CAAP1: variants seen among roughly 807,000 people sequenced by gnomAD.
The protein encoded by CAAP1 is conserved anti-apoptotic protein.
CAAP1 carries 20 observed loss-of-function variants against 34.0 expected under a neutral mutation model. That is an observed-to-expected ratio of 0.59 (90% CI 0.41 to 0.86). The LOEUF is 0.86. Ranked by LOEUF, CAAP1 falls within the 40% of genes least tolerant of loss-of-function variation. CAAP1 has a pLI of 0.00. For synonymous variants in CAAP1, 213 were observed against 166.7 expected (o/e 1.28, Z -2.14); for missense variants, 538 against 450.5 (o/e 1.19, Z -1.76).
chr9:26,892,303 A>G (rs3739550), intron 1 of CAAP1, 110 bp downstream of exon 1: 117,245 of 1,540,622 alleles, frequency 0.076, 15,579 homozygotes, highest in East Asian at 0.67. Flanking sequence ...GACGACCTTG[A>G]GATTGCCGCG....
At chr9:26,876,096 A>G (rs1443211653) in intron 4 of CAAP1, among the ~76,000 whole-genome samples, 1 of 152,236 alleles carries the variant, frequency 6.6e-6, no homozygotes. Context: ...GTTGTAGGTA[A>G]TACTGCATTT....
At chr9:26,880,955 C>T (rs1823579385) in intron 4 of CAAP1, among the ~76,000 whole-genome samples, 1 of 152,140 alleles carries the variant, frequency 6.6e-6, no homozygotes, top group South Asian at 2.1e-4. Context: ...TGATTACAGG[C>T]ATAAGCAAGT....
intron 4 of CAAP1, among the ~76,000 whole-genome samples, chr9:26,868,166 A>G (rs1199828235): frequency 6.6e-6 from 1 of 152,184 alleles, no homozygotes; most frequent in Non-Finnish European, 1.5e-5. Flanking sequence ...CCCCCCAAAT[A>G]TGCCCACATT....
Position 26,892,676 on chromosome 9 carries a change from G to C in CAAP1, c.40C>G (p.Arg14Gly). 6.2e-7 allele frequency: 1 copy of C among 1,605,054 alleles called. No individual in the cohort carries two copies. Among genetic ancestry groups the C allele is most frequent in the East Asian group, 2.2e-5 (1 of 44,812 alleles). ...GCTGCGGCCGCCTCCTGACTGCTACGTTTGCGCCGTTTCTCCCGGGAGGAC... is the reference window on the plus strand; with the variant it reads ...GCTGCGGCCGCCTCCTGACTGCTACCTTTGCGCCGTTTCTCCCGGGAGGAC... The part of the protein sequence containing the change: ...KKSSREKRRK[R>G]SSQEAAAALA... Residue 14 changes from arginine to glycine, a missense_variant, in exon 1 of 6, where the codon CGT becomes GGT. Arg to Gly is a moderately radical substitution (Grantham distance 125). Transcript: ENST00000333916.
At chr9:26,881,703 G>C (rs1477559883) in intron 4 of CAAP1, among the ~76,000 whole-genome samples, 2 of 152,184 alleles carry the variant, frequency 1.3e-5, no homozygotes, top group Non-Finnish European at 2.9e-5. Context: ...GGTACCAGTA[G>C]AGTGGGGCAC....
At chr9:26,858,999 A>T (rs1010635881) in intron 5 of CAAP1, among the ~76,000 whole-genome samples, 1 of 150,086 alleles carries the variant, frequency 6.7e-6, no homozygotes, top group African/African-American at 2.4e-5. Context: ...ACTGTCTCAA[A>T]AAAAAAAAAA....
chr9:26,882,443 T>A (rs1440363165), intron 4 of CAAP1, among the ~76,000 whole-genome samples: 1 of 152,120 alleles, frequency 6.6e-6, no homozygotes, highest in Non-Finnish European at 1.5e-5. Flanking sequence ...TGCAGTTGCA[T>A]AGAAGTCAAG....
At chr9:26,851,114 A>C (rs1822740662) in intron 5 of CAAP1, among the ~76,000 whole-genome samples, 1 of 152,202 alleles carries the variant, frequency 6.6e-6, no homozygotes, top group Non-Finnish European at 1.5e-5. Flanking sequence ...TAGGTGACAA[A>C]ATATTTGTGA....
chr9:26,857,359 T>C (rs4546740), intron 5 of CAAP1, among the ~76,000 whole-genome samples: 40,789 of 152,186 alleles, frequency 0.27, 5,918 homozygotes, highest in African/African-American at 0.31. Flanking sequence ...TGGCCGGGTA[T>C]GGTGGCTCAC....
chr9:26,863,713 C>G (rs1003909039), intron 4 of CAAP1, among the ~76,000 whole-genome samples: 1 of 149,226 alleles, frequency 6.7e-6, no homozygotes, highest in African/African-American at 2.5e-5. Context: ...GAACACACTG[C>G]CAAAGCCAGT....
intron 4 of CAAP1, among the ~76,000 whole-genome samples, chr9:26,881,215 C>T (rs1199195452): frequency 1.3e-5 from 2 of 152,296 alleles, no homozygotes; most frequent in South Asian, 2.1e-4. Flanking sequence ...CTCAGGTGAT[C>T]CTCTCAACCT....
At chr9:26,849,325 T>C (rs1169639239) in intron 5 of CAAP1, among the ~76,000 whole-genome samples, 5 of 152,232 alleles carry the variant, frequency 3.3e-5, no homozygotes, top group African/African-American at 4.8e-5. Flanking sequence ...TTCATTTGTA[T>C]TGTTTTTCTC....
chr9:26,865,203 T>G (rs1316137093), intron 4 of CAAP1, among the ~76,000 whole-genome samples: 1 of 152,218 alleles, frequency 6.6e-6, no homozygotes, highest in African/African-American at 2.4e-5. Flanking sequence ...ACCAATGAAT[T>G]TTTTAAGCAA....
chr9:26,868,211 C>G (rs7856462), intron 4 of CAAP1, among the ~76,000 whole-genome samples: 1 of 151,848 alleles, frequency 6.6e-6, no homozygotes, highest in Non-Finnish European at 1.5e-5. Flanking sequence ...TTACCTCATA[C>G]GGCAAAAAAC....
At chr9:26,868,560 A>G (rs1321224622) in intron 4 of CAAP1, among the ~76,000 whole-genome samples, 1 of 152,230 alleles carries the variant, frequency 6.6e-6, no homozygotes, top group Non-Finnish European at 1.5e-5. Context: ...TAAGAAAATA[A>G]ATATGTGTTG....
chr9:26,866,222 C>CA (rs1417287812), intron 4 of CAAP1, among the ~76,000 whole-genome samples: 4 of 151,734 alleles, frequency 2.6e-5, no homozygotes, highest in Admixed American at 6.6e-5. Context: ...TCTGGTATAC[C>CA]AAAAAATGGT....
chr9:26,855,629 G>A (rs1018555071), intron 5 of CAAP1, among the ~76,000 whole-genome samples: 4 of 152,138 alleles, frequency 2.6e-5, no homozygotes, highest in Non-Finnish European at 4.4e-5. Context: ...TAAAATGTAA[G>A]TTCATCGTGT....
chr9:26,874,206 CAA>C (rs34601727), intron 4 of CAAP1, among the ~76,000 whole-genome samples: 10,535 of 52,198 alleles, frequency 0.2, 196 homozygotes, highest in East Asian at 0.41. Context: ...GACTCTGTCT[CAA>C]AAAAAAAAAA....
intron 4 of CAAP1, among the ~76,000 whole-genome samples, chr9:26,861,481 C>T (rs1311081895): frequency 2.0e-5 from 3 of 152,144 alleles, no homozygotes; most frequent in Non-Finnish European, 4.4e-5. Flanking sequence ...TTTTCAAGTT[C>T]AACTGTTAAA....
Sources: gnomAD v4.1 joint callset for allele counts (sites outside exome capture counted in the v4.1 genomes callset) on GRCh38, gnomAD v4.1.1 for gene constraint, MANE v1.5 for transcripts, NCBI Gene and HGNC (gene_info 2026-07-23, HGNC 2026-07-21) for gene names.